PARM1: variants seen among roughly 807,000 people sequenced by gnomAD.
PARM1 encodes the protein prostate androgen-regulated mucin-like protein 1.
PARM1 carries 14 observed loss-of-function variants against 24.6 expected under a neutral mutation model. That is an observed-to-expected ratio of 0.57 (90% CI 0.38 to 0.89). PARM1 has a LOEUF of 0.89. Among genes scored for constraint, PARM1 ranks in the 40% least tolerant of loss-of-function variants. The pLI is 0.00. For synonymous variants in PARM1, 179 were observed against 156.6 expected, an observed-to-expected ratio of 1.14 and a Z score of -1.07; for missense variants, 362 against 380.4, an observed-to-expected ratio of 0.95 and a Z score of 0.40.
chr4:75,040,104 G>C (rs1251030151), intron 3 of PARM1, among the ~76,000 whole-genome samples: 1 of 152,174 alleles, frequency 6.6e-6, no homozygotes, highest in Admixed American at 6.5e-5. Flanking sequence ...AACATTTATT[G>C]GATGAGTTCA....
intron 1 of PARM1, among the ~76,000 whole-genome samples, chr4:74,943,052 A>G (rs938458552): frequency 6.6e-6 from 1 of 152,186 alleles, no homozygotes. Context: ...TTCTCCAGAT[A>G]CCCATATGAC....
chr4:75,032,020 C>T (rs1723285264), intron 2 of PARM1, among the ~76,000 whole-genome samples: 1 of 152,252 alleles, frequency 6.6e-6, no homozygotes, highest in Non-Finnish European at 1.5e-5. Context: ...GGGAACTGAC[C>T]TCGGACTTTC....
chr4:74,945,381 A>G (rs920311838), intron 1 of PARM1, among the ~76,000 whole-genome samples: 13 of 152,226 alleles, frequency 8.5e-5, no homozygotes. Flanking sequence ...ATGTGGCTAT[A>G]GTGACTGCTA....
In PARM1 at chr4:75,012,699, T is replaced by G. The variant is rs1722897551; in HGVS notation, c.318T>G (p.Pro106=). Residue 106 remains proline (P), a synonymous_variant, in exon 2 of 4, where the codon CCT becomes CCG. Transcript: ENST00000307428. ...NWEGTNTDPS[P]SGFSSTSGGV... is the part of the protein sequence containing the mutation. ...AAGGCACAAACACAGACCCCTCACC[T>G]TCTGGGTTCTCGTCAACAAGCGGTG... is the stretch of plus-strand genomic sequence containing the variant. 1 of 1,613,846 alleles carries G rather than the reference T, an allele frequency of 6.2e-7. No homozygotes were observed. Among genetic ancestry groups the G allele is most frequent in the Admixed American group, 1.7e-5 (1 of 60,008 alleles).
intron 2 of PARM1, among the ~76,000 whole-genome samples, chr4:75,021,813 T>C (rs1723093431): frequency 6.6e-6 from 1 of 150,726 alleles, no homozygotes; most frequent in Non-Finnish European, 1.5e-5. Context: ...GGCTGAATAG[T>C]ATTCCGTAGT....
At chr4:74,999,360 A>G (rs1722634973) in intron 1 of PARM1, among the ~76,000 whole-genome samples, 1 of 152,226 alleles carries the variant, frequency 6.6e-6, no homozygotes, top group Admixed American at 6.5e-5. Context: ...CATGCTTGAC[A>G]AAACAGACCA....
rs146607439 is a variant in PARM1, at chr4:75,042,683, G to T, written c.849-3480G>T. On this transcript the variant is annotated intron_variant, in intron 3 of 3. Coordinates refer to ENST00000307428, the MANE Select transcript of PARM1 (RefSeq NM_015393.4). ...GATTTAAGAGGTTCTGACCTAGAGA[G>T]AAAGTTTTACATGCTCACTAATTAT... Among the ~76,000 whole-genome samples the T allele has an allele frequency of 2.6e-3, 396 of 151,996 alleles. 4 individuals carry two copies. The highest frequency in any genetic ancestry group is 9.2e-3 in the African/African-American group (381 of 41,458).
At chr4:75,033,148 G>A (rs193036501) in intron 2 of PARM1, among the ~76,000 whole-genome samples, 4 of 152,188 alleles carry the variant, frequency 2.6e-5, no homozygotes, top group East Asian at 1.9e-4. Context: ...AAATATTCGC[G>A]TGACTTTATA....
intron 1 of PARM1, among the ~76,000 whole-genome samples, chr4:74,986,511 T>C (rs1217345339): frequency 6.6e-6 from 1 of 152,180 alleles, no homozygotes; most frequent in East Asian, 1.9e-4. Flanking sequence ...ATGGATAGTA[T>C]AGAAACAGGT....
intron 3 of PARM1, among the ~76,000 whole-genome samples, chr4:75,040,309 G>T (rs2109814191): frequency 6.6e-6 from 1 of 152,232 alleles, no homozygotes; most frequent in East Asian, 1.9e-4. Flanking sequence ...TGTGATGATT[G>T]TCTTCCAATA....
chr4:74,992,927 A>G (rs1012433215), intron 1 of PARM1, among the ~76,000 whole-genome samples: 1 of 152,166 alleles, frequency 6.6e-6, no homozygotes, highest in East Asian at 1.9e-4. Flanking sequence ...TTTAAAATAA[A>G]AATAATAATA....
chr4:75,035,276 T>C (rs1326834523), intron 3 of PARM1, among the ~76,000 whole-genome samples: 11 of 152,248 alleles, frequency 7.2e-5, no homozygotes, highest in Non-Finnish European at 1.3e-4. Context: ...TGCTTGTTTA[T>C]TGTCTCTTTT....
chr4:75,018,832 G>A (rs560836006), intron 2 of PARM1, among the ~76,000 whole-genome samples: 43 of 152,328 alleles, frequency 2.8e-4, no homozygotes, highest in African/African-American at 9.9e-4. Flanking sequence ...TCACTTGAGT[G>A]ACCAGACCAG....
intron 2 of PARM1, among the ~76,000 whole-genome samples, chr4:75,031,377 A>C (rs1038883000): frequency 2.0e-5 from 3 of 152,198 alleles, no homozygotes; most frequent in Non-Finnish European, 4.4e-5. Flanking sequence ...GAGGAAAATA[A>C]CTGGCTAATT....
At chr4:75,044,078 C>T (rs1222249611) in intron 3 of PARM1, among the ~76,000 whole-genome samples, 2 of 151,396 alleles carry the variant, frequency 1.3e-5, no homozygotes, top group Non-Finnish European at 2.9e-5. Flanking sequence ...TTTGCAAATA[C>T]CTGGCAGATG....
Position 74,936,132 on chromosome 4 carries a change from G to A in PARM1, c.43+2762G>A, listed in dbSNP as rs182205307. On this transcript the variant is annotated intron_variant, in intron 1 of 3. Transcript: ENST00000307428. ...TGACAGATGTGAGCCACTGTGCCCA[G>A]CCTCACTTCTATTTCTAAAAGGAGA... Among the ~76,000 whole-genome samples the A allele has an allele frequency of 2.0e-4, 31 of 152,278 alleles. No homozygotes were observed. In the East Asian group the frequency reaches 5.6e-3, roughly 28 times the overall value.
intron 3 of PARM1, 36 bp from the exon 4 acceptor site, chr4:75,046,127 C>T (rs1439026338): frequency 6.8e-7 from 1 of 1,466,644 alleles, no homozygotes; most frequent in Non-Finnish European, 9.6e-7. Context: ...GGCAACTTTT[C>T]CAAGTAATCA....
intron 2 of PARM1, among the ~76,000 whole-genome samples, chr4:75,014,151 G>T (rs1420697345): frequency 2.0e-5 from 3 of 152,146 alleles, no homozygotes; most frequent in Non-Finnish European, 4.4e-5. Context: ...ACTGAGGAGA[G>T]AATCACAACT....
intron 1 of PARM1, among the ~76,000 whole-genome samples, chr4:74,948,876 G>C (rs1721456004): frequency 6.6e-6 from 1 of 152,064 alleles, no homozygotes. Flanking sequence ...CAAAAAATTA[G>C]CCAGGCATGG....
Sources: gnomAD v4.1 joint callset for allele counts (sites outside exome capture counted in the v4.1 genomes callset) on GRCh38, gnomAD v4.1.1 for gene constraint, MANE v1.5 for transcripts, NCBI Gene and HGNC (gene_info 2026-07-23, HGNC 2026-07-21) for gene names.